Variants in SLC38A10 observed in about 807,000 individuals in gnomAD.
SLC38A10 encodes Sodium-coupled neutral amino acid transporter 10.
Under a neutral mutation model 81.0 loss-of-function variants are expected in SLC38A10, and 53 were observed. That is an observed-to-expected ratio of 0.65 (90% CI 0.53 to 0.82). SLC38A10 has a LOEUF of 0.82. Among genes scored for constraint, SLC38A10 ranks in the 40% least tolerant of loss-of-function variants. The probability of loss-of-function intolerance (pLI) is 0.00; values close to 1 mark genes in which losing one functional copy is unlikely to be tolerated. For synonymous variants in SLC38A10, 665 were observed against 655.3 expected (o/e 1.01, Z -0.23); for missense variants, 1,471 against 1,545.0 (o/e 0.95, Z 0.80).
chr17:81,259,090 G>C (rs1457835185), intron 11 of SLC38A10, among the ~76,000 whole-genome samples: 3 of 152,254 alleles, frequency 2.0e-5, no homozygotes, highest in African/African-American at 7.2e-5. Flanking sequence ...GCGGAGCTCA[G>C]AACAGAGATG....
At chr17:81,282,778 T>C (rs573214566) in intron 4 of SLC38A10, among the ~76,000 whole-genome samples, 92 of 152,324 alleles carry the variant, frequency 6.0e-4, no homozygotes, top group African/African-American at 1.5e-3. Flanking sequence ...CCTAGCTCCC[T>C]GGATGCTCCT....
At chr17:81,251,197 G>T in intron 14 of SLC38A10, 2 of 1,540,048 alleles carry the variant, frequency 1.3e-6, no homozygotes, top group South Asian at 2.5e-5. Flanking sequence ...CAAGCCAAGT[G>T]ACAATGCCGC....
chr17:81,255,430 C>T (rs1249200967), intron 11 of SLC38A10, among the ~76,000 whole-genome samples: 1 of 152,250 alleles, frequency 6.6e-6, no homozygotes, highest in East Asian at 1.9e-4. Context: ...CCGAGTGCTG[C>T]CAGCCGCTTC....
intron 12 of SLC38A10, 99 bp downstream of exon 12, chr17:81,252,974 T>TA: frequency 1.4e-6 from 2 of 1,430,436 alleles, no homozygotes; most frequent in Non-Finnish European, 1.9e-6. Flanking sequence ...GGGAAAAAGA[T>TA]ACACACAGCC....
rs138614314 is a variant in SLC38A10, at chr17:81,253,076, G to C, written c.1453C>G (p.Gln485Glu). The change falls in exon 12 of 16, where the codon CAA becomes GAA. Residue 485 changes from glutamine (Q) to glutamate (E), a missense_variant. Physicochemically the swap from Gln to Glu is conservative, Grantham distance 29 (BLOSUM62 2). This residue lies in a region of SLC38A10 where 720 missense variants were observed against 827.7 expected (regional missense o/e 0.87). Coordinates refer to ENST00000374759, the MANE Select transcript of SLC38A10 (RefSeq NM_001037984.3). The surrounding 1 kb of genome is among the most constrained non-coding windows in gnomAD (Gnocchi z 4.1). ...PEEAQLDRPG[Q>E]GIAVPVGEAH... ...ACCCCCAGCCAGTGCCCAGCACCTT[G>C]CCCAGGGCGATCGAGCTGTGCCTCC... The C allele has an allele frequency of 1.8e-5, 29 of 1,612,608 alleles. No homozygotes were observed. Among genetic ancestry groups the C allele is most frequent in the Non-Finnish European group, 2.3e-5 (27 of 1,179,992 alleles).
chr17:81,277,036 C>T lies in SLC38A10; in HGVS notation c.724G>A (p.Val242Ile), dbSNP rs200254596. The T allele has an allele frequency of 3.4e-5, 55 of 1,613,874 alleles. No homozygotes were observed. The East Asian group carries it at 7.6e-4, about 22-fold the overall frequency. Residue 242 changes from valine to isoleucine, a missense_variant, in exon 7 of 16, where the codon GTC becomes ATC. By Grantham distance (29) the Val-to-Ile change is conservative. This residue lies in a region of SLC38A10 where 720 missense variants were observed against 827.7 expected (regional missense o/e 0.87). Transcript: ENST00000374759. The surrounding 1 kb of genome is among the most constrained non-coding windows in gnomAD (Gnocchi z 4.5). ...SSLNVVTTFY[V>I]MVGFFGYVSF... is the part of the protein sequence containing the mutation. ...GGGCGTGGCAAGGCTCTTACCATGA[C>T]GTAGAAGGTGGTGACCACATTAAGG... is the stretch of plus-strand genomic sequence containing the variant.
rs2063060251 is a variant in SLC38A10, at chr17:81,265,298, C to CCCAGCT, written c.1132-4905_1132-4904insAGCTGG. 1 of 152,346 alleles carries CCCAGCT rather than the reference C, an allele frequency of 6.6e-6. No individual in the cohort carries two copies. Among genetic ancestry groups the CCCAGCT allele is most frequent in the East Asian group, 1.9e-4 (1 of 5,178 alleles). The allele number at this position is 152,346 out of a possible 1,614,324, so 9.4% of individuals were successfully genotyped here. A position where few individuals can be genotyped will look rare whatever the true frequency, so the allele number is the denominator to read the frequency against. On this transcript the variant is annotated intron_variant, in intron 10 of 15. Coordinates refer to ENST00000374759, the MANE Select transcript of SLC38A10 (RefSeq NM_001037984.3). This position sits in a 1 kb window ranked among gnomAD's most constrained non-coding sequence, Gnocchi z 4.2. Reference sequence around the variant, plus strand: ...ACTCGGGAGGCTGAGGCTGGACAATCACTTGAACCCAGGAGGCGGAGCTTG... The same window carrying CCCAGCT: ...ACTCGGGAGGCTGAGGCTGGACAATCCCAGCTACTTGAACCCAGGAGGCGGAGCTTG...
chr17:81,275,050 C>A (rs1046319222), intron 8 of SLC38A10, among the ~76,000 whole-genome samples: 1 of 152,172 alleles, frequency 6.6e-6, no homozygotes, highest in Non-Finnish European at 1.5e-5. Flanking sequence ...GGACTACAGG[C>A]ATGCGCTGCC....
chr17:81,250,507 G>A (rs992471973), intron 14 of SLC38A10, among the ~76,000 whole-genome samples: 8 of 152,180 alleles, frequency 5.3e-5, no homozygotes, highest in South Asian at 4.1e-4. Context: ...GGGCTGGCCC[G>A]GAGCTCCCAC....
Position 81,265,686 on chromosome 17 carries a change from G to A in SLC38A10, c.1131+5232C>T, listed in dbSNP as rs958336195. ...CAGATCCAGGCCTGTGCCCCTCCGTGGGCGCAGCCGGAGCCCCTGGGACAG... is the reference window on the plus strand; with the variant it reads ...CAGATCCAGGCCTGTGCCCCTCCGTAGGCGCAGCCGGAGCCCCTGGGACAG... On this transcript the variant is annotated intron_variant, in intron 10 of 15. Transcript: ENST00000374759. The surrounding 1 kb of genome is among the most constrained non-coding windows in gnomAD (Gnocchi z 4.2). Among the ~76,000 whole-genome samples the A allele has an allele frequency of 6.6e-6, 1 of 152,204 alleles. No individual in the cohort carries two copies. The highest frequency in any genetic ancestry group is 6.5e-5 in the Admixed American group (1 of 15,288).
In SLC38A10 at chr17:81,276,025, G is replaced by C. The variant is rs753102689; in HGVS notation, c.856C>G (p.Pro286Ala). The C allele has an allele frequency of 6.2e-7, 1 of 1,613,824 alleles. No homozygotes were observed. Among genetic ancestry groups the C allele is most frequent in the Non-Finnish European group, 8.5e-7 (1 of 1,180,016 alleles). ...GFMMSVAVGF[P>A]MMILPCRQAL... ...TGCCTGCATGGCAGGATCATCATGGGGAAGCCCACAGCCACTGACATCATG... is the reference window on the plus strand; with the variant it reads ...TGCCTGCATGGCAGGATCATCATGGCGAAGCCCACAGCCACTGACATCATG... Residue 286 changes from proline (P) to alanine (A), a missense_variant, in exon 8 of 16, where the codon CCC (proline) becomes GCC (alanine). Physicochemically the swap from Pro to Ala is conservative, Grantham distance 27. Coordinates refer to ENST00000374759, the MANE Select transcript of SLC38A10 (RefSeq NM_001037984.3). This position sits in a 1 kb window ranked among gnomAD's most constrained non-coding sequence, Gnocchi z 4.7.
chr17:81,252,166 T>A (rs1464694539), intron 13 of SLC38A10, 29 bp downstream of exon 13: 1 of 1,494,088 alleles, frequency 6.7e-7, no homozygotes, highest in African/African-American at 1.4e-5. Context: ...GGGGAGTGTC[T>A]TCCGACACGA....
At chr17:81,279,162 G>C (rs2063186955) in intron 6 of SLC38A10, among the ~76,000 whole-genome samples, 1 of 152,212 alleles carries the variant, frequency 6.6e-6, no homozygotes, top group Non-Finnish European at 1.5e-5. Context: ...CCTACTGTGA[G>C]GATGGGGACC....
intron 1 of SLC38A10, among the ~76,000 whole-genome samples, chr17:81,292,393 G>A (rs1352131642): frequency 6.6e-6 from 1 of 151,978 alleles, no homozygotes. Flanking sequence ...CAAAAGTGCT[G>A]GGATTACAGG....
rs2062842118 is a variant in SLC38A10 at position 81,245,712 on chromosome 17, ATCCCTCGGGGCCAGCTGACCC to A, written c.3183_3203del (p.Glu1061_Arg1067del). 6.2e-7 allele frequency: 1 copy of A among 1,600,818 alleles called. No homozygotes were observed. The highest frequency in any genetic ancestry group is 8.5e-7 in the Non-Finnish European group (1 of 1,171,086). Reference sequence around the variant, plus strand: ...GGGGGTTAAGGCCAATGATGACCCCATCCCTCGGGGCCAGCTGACCCTCTGCATGAGGGCCAAGGTCCCGCC... The same window carrying A: ...GGGGGTTAAGGCCAATGATGACCCCATCTGCATGAGGGCCAAGGTCCCGCC... On this transcript the variant is annotated inframe_deletion, in exon 16 of 16. Coordinates refer to ENST00000374759, the MANE Select transcript of SLC38A10 (RefSeq NM_001037984.3).
intron 11 of SLC38A10, among the ~76,000 whole-genome samples, chr17:81,254,728 G>C (rs894676640): frequency 1.3e-4 from 20 of 152,222 alleles, no homozygotes; most frequent in African/African-American, 4.6e-4. Flanking sequence ...TTACATGCGT[G>C]AGCCACCGCG....
rs1428108319 is a variant in SLC38A10, at chr17:81,244,840, T to A, written c.*716A>T. 1.3e-5 allele frequency among the ~76,000 whole-genome samples: 2 copies of A among 152,130 alleles called. No individual in the cohort carries two copies. The highest frequency in any genetic ancestry group is 2.9e-5 in the Non-Finnish European group (2 of 68,022). The stretch of plus-strand genomic sequence containing the variant: ...GTTATCAGTGGTGTTTTTTACTTTT[T>A]AAAAAAAGCCACAATTGGATTTTGA... On this transcript the variant is annotated 3_prime_UTR_variant, in exon 16 of 16. Transcript: ENST00000374759.
At chr17:81,273,245 C>T (rs997005363) in intron 8 of SLC38A10, among the ~76,000 whole-genome samples, 21 of 152,238 alleles carry the variant, frequency 1.4e-4, no homozygotes, top group African/African-American at 1.7e-4. Flanking sequence ...CCATTCATTC[C>T]GGAGGAGGCG....
At chr17:81,273,054 AC>A (rs573330109) in intron 8 of SLC38A10, among the ~76,000 whole-genome samples, 17 of 152,114 alleles carry the variant, frequency 1.1e-4, no homozygotes, top group African/African-American at 4.1e-4. Flanking sequence ...TGCAGGCAGA[AC>A]CCCCCCAAAC....
Sources: gnomAD v4.1 joint callset for allele counts (sites outside exome capture counted in the v4.1 genomes callset) on GRCh38, gnomAD v4.1.1 for gene constraint, gnomAD v4.1.1 regional missense constraint, Gnocchi (gnomAD v3.1) non-coding constraint, MANE v1.5 for transcripts, NCBI Gene and HGNC (gene_info 2026-07-23, HGNC 2026-07-21) for gene names.